Variants in FOCAD observed in about 807,000 individuals in gnomAD.
FOCAD encodes the protein KIAA1797.
Under a neutral mutation model 225.6 loss-of-function variants are expected in FOCAD, and 198 were observed. The observed-to-expected ratio is 0.88, with a 90% CI of 0.78 to 0.99. FOCAD has a LOEUF of 0.99. Among genes scored for constraint, FOCAD ranks in the 50% least tolerant of loss-of-function variants. The pLI, the probability that FOCAD is intolerant of heterozygous loss-of-function variation, is 0.00. For synonymous variants in FOCAD, 897 were observed against 755.0 expected (o/e 1.19, Z -3.08); for missense variants, 2,713 against 2,123.6 (o/e 1.28, Z -5.46).
At chr9:20,775,432 T>C (rs1299931183) in intron 8 of FOCAD, among the ~76,000 whole-genome samples, 1 of 152,190 alleles carries the variant, frequency 6.6e-6, no homozygotes, top group Non-Finnish European at 1.5e-5. Flanking sequence ...CAACCAACTT[T>C]CTTCACTGTG....
In FOCAD at chr9:20,820,385, C is replaced by T; in HGVS notation, c.1622C>T (p.Ala541Val). The T allele has an allele frequency of 2.5e-6, 4 of 1,612,848 alleles. No individual in the cohort carries two copies. Among genetic ancestry groups the T allele is most frequent in the Non-Finnish European group, 3.4e-6 (4 of 1,179,288 alleles). The change falls in exon 13 of 44, where the codon GCT becomes GTT. Residue 541 changes from alanine (A) to valine (V), a missense_variant. Ala to Val is a moderately conservative substitution (Grantham distance 64). Transcript: ENST00000338382. Reference protein sequence around the residue: ...QLLGTTPRLRAVTLRLLTSLW... With the variant: ...QLLGTTPRLRVVTLRLLTSLW... ...CTTGGAACCACACCACGACTAAGAG[C>T]TGTCACTTTGCGCTTGCTGACATCT...
intron 37 of FOCAD, 136 bp from the exon 38 acceptor site, chr9:20,981,290 A>G (rs1050603754): frequency 1.9e-5 from 20 of 1,031,764 alleles, no homozygotes; most frequent in Non-Finnish European, 2.6e-5. Context: ...AGCTGTGGGA[A>G]AATGAAGGGG....
chr9:20,711,157 G>T lies in FOCAD; in HGVS notation c.-32-4165G>T, dbSNP rs556784024. On this transcript the variant is annotated intron_variant, in intron 1 of 43. Transcript: ENST00000338382. Reference sequence around the variant, plus strand: ...TGTTAGATGTAGCTAGTTGGAAGAGGCTTAACAGAGATGTGCTATGAAAGG... The same window carrying T: ...TGTTAGATGTAGCTAGTTGGAAGAGTCTTAACAGAGATGTGCTATGAAAGG... Among the ~76,000 whole-genome samples the T allele has an allele frequency of 6.6e-5, 10 of 152,324 alleles. No homozygotes were observed. The East Asian group carries it at 1.7e-3, about 26-fold the overall frequency.
In FOCAD at chr9:20,836,145, A is replaced by G. The variant is rs543743722; in HGVS notation, c.1920+13030A>G. Among the ~76,000 whole-genome samples the G allele has an allele frequency of 5.9e-5, 9 of 152,204 alleles. No homozygotes were observed. The South Asian group carries it at 6.2e-4, about 11-fold the overall frequency. On this transcript the variant is annotated intron_variant, in intron 15 of 43. Coordinates refer to ENST00000338382, the MANE Select transcript of FOCAD (RefSeq NM_001375567.1). The stretch of plus-strand genomic sequence containing the variant: ...CACTATGGGGTGGGAATGATTTTCA[A>G]TGGGACTCAGCAGGTTTGCAAGGTT...
intron 19 of FOCAD, among the ~76,000 whole-genome samples, chr9:20,876,400 C>T (rs565753907): frequency 1.3e-5 from 2 of 152,164 alleles, no homozygotes; most frequent in South Asian, 4.2e-4. Context: ...ACATGTATCC[C>T]CCATCACAGT....
chr9:20,899,334 A>G (rs1190605395), intron 21 of FOCAD, among the ~76,000 whole-genome samples: 1 of 151,874 alleles, frequency 6.6e-6, no homozygotes, highest in Non-Finnish European at 1.5e-5. Flanking sequence ...AGACTTGTCC[A>G]TTCTTAGCCT....
At chr9:20,921,051 T>C (rs550849439) in intron 24 of FOCAD, among the ~76,000 whole-genome samples, 4 of 151,750 alleles carry the variant, frequency 2.6e-5, no homozygotes, top group African/African-American at 7.2e-5. Context: ...TAGCAAATTT[T>C]CACATCCAAA....
intron 7 of FOCAD, among the ~76,000 whole-genome samples, chr9:20,767,805 G>T (rs1260778416): frequency 6.7e-6 from 1 of 149,400 alleles, no homozygotes; most frequent in African/African-American, 2.5e-5. Flanking sequence ...AGTTTCTTTT[G>T]CTGTGCAGAA....
intron 2 of FOCAD, among the ~76,000 whole-genome samples, chr9:20,676,640 C>T (rs1229172860): frequency 1.3e-5 from 2 of 152,166 alleles, no homozygotes; most frequent in Admixed American, 1.3e-4. Context: ...CAAACATTTG[C>T]AGGAGATATA....
At chr9:20,691,674 G>GT (rs368085615) in intron 1 of FOCAD, among the ~76,000 whole-genome samples, 5 of 151,470 alleles carry the variant, frequency 3.3e-5, no homozygotes, top group African/African-American at 1.2e-4. Flanking sequence ...GTAGAGACGG[G>GT]TTTCACCATG....
chr9:20,958,733 T>C (rs1172258552), intron 35 of FOCAD, among the ~76,000 whole-genome samples: 1 of 152,190 alleles, frequency 6.6e-6, no homozygotes, highest in Non-Finnish European at 1.5e-5. Context: ...TTCTACTTTT[T>C]ACTTCTGAGA....
intron 42 of FOCAD, among the ~76,000 whole-genome samples, chr9:20,992,520 T>C (rs1841759062): frequency 6.6e-6 from 1 of 152,096 alleles, no homozygotes; most frequent in African/African-American, 2.4e-5. Context: ...AAGCCAAGTG[T>C]ACTTGGGTTC....
At chr9:20,926,239 T>G in intron 25 of FOCAD, 62 bp from the exon 26 acceptor site, 1 of 1,036,602 alleles carries the variant, frequency 9.6e-7, no homozygotes, top group Non-Finnish European at 1.5e-6. Context: ...ACACCTTAGA[T>G]TTAGAAATAT....
chr9:20,748,672 G>A (rs1449382359), intron 5 of FOCAD, among the ~76,000 whole-genome samples: 1 of 152,064 alleles, frequency 6.6e-6, no homozygotes, highest in Admixed American at 6.6e-5. Context: ...TACTTTTCAA[G>A]GGCCATCTGT....
At chr9:20,965,597 A>G (rs553430891) in intron 35 of FOCAD, among the ~76,000 whole-genome samples, 4 of 152,228 alleles carry the variant, frequency 2.6e-5, no homozygotes, top group African/African-American at 9.6e-5. Context: ...CATTTAGTGC[A>G]TTTACAATAT....
At chr9:20,694,696 A>C (rs1394857286) in intron 1 of FOCAD, 1 of 152,214 alleles carries the variant, frequency 6.6e-6, no homozygotes, top group Non-Finnish European at 1.5e-5. Flanking sequence ...AAATGAACTT[A>C]ATTTCAACAA....
At chr9:20,674,970 A>G (rs1290954480) in intron 2 of FOCAD, among the ~76,000 whole-genome samples, 1 of 152,216 alleles carries the variant, frequency 6.6e-6, no homozygotes, top group South Asian at 2.1e-4. Flanking sequence ...AACTATACCT[A>G]TGGAAGCAGC....
chr9:20,745,740 G>A (rs1205962769), intron 5 of FOCAD, among the ~76,000 whole-genome samples: 1 of 152,168 alleles, frequency 6.6e-6, no homozygotes, highest in African/African-American at 2.4e-5. Context: ...AATATCAAAT[G>A]TTAAGAATCT....
chr9:20,665,605 G>A (rs1437707471), intron 2 of FOCAD, among the ~76,000 whole-genome samples: 1 of 152,174 alleles, frequency 6.6e-6, no homozygotes, highest in Admixed American at 6.5e-5. Flanking sequence ...AAATATGTTG[G>A]TGAAAAGTGT....
Sources: allele counts gnomAD v4.1 joint callset (sites outside exome capture counted in the v4.1 genomes callset), GRCh38; gene constraint gnomAD v4.1.1; transcripts MANE v1.5; gene names NCBI Gene and HGNC (gene_info 2026-07-23, HGNC 2026-07-21).